Variants in ARHGAP15 observed in about 807,000 individuals in gnomAD.
The protein encoded by ARHGAP15 is rho GTPase-activating protein 15.
Under a neutral mutation model 63.7 loss-of-function variants are expected in ARHGAP15, and 51 were observed. That is an observed-to-expected ratio of 0.80 (90% CI 0.64 to 1.01). ARHGAP15 has a LOEUF of 1.01. ARHGAP15 is among the 50% of genes least tolerant of loss of function. The probability of loss-of-function intolerance (pLI) is 0.00; values close to 1 mark genes in which losing one functional copy is unlikely to be tolerated. For missense variants in ARHGAP15, 560 were observed against 564.6 expected, an observed-to-expected ratio of 0.99 and a Z score of 0.08; for synonymous variants, 191 against 193.8, an observed-to-expected ratio of 0.99 and a Z score of 0.12.
In ARHGAP15 at chr2:143,747,255, GA is replaced by G. The variant is rs1331918062; in HGVS notation, c.1245-20725del. On this transcript the variant is annotated intron_variant, in intron 13 of 13. Coordinates refer to ENST00000295095, the MANE Select transcript of ARHGAP15 (RefSeq NM_018460.4). ...ATGTATCCCAGAACTTAAAAAAAAA[GA>G]AAAAAAAAGATCGGAGACTTCCCAT... Among the ~76,000 whole-genome samples, 25 of 150,068 alleles carry G rather than the reference GA, an allele frequency of 1.7e-4. No homozygotes were observed. In the East Asian group the frequency reaches 3.5e-3, roughly 21 times the overall value.
chr2:143,169,953 T>C (rs1690706468), intron 2 of ARHGAP15, among the ~76,000 whole-genome samples: 1 of 152,016 alleles, frequency 6.6e-6, no homozygotes, highest in South Asian at 2.1e-4. Context: ...TAAATCTTCA[T>C]GATGCAGATT....
intron 8 of ARHGAP15, among the ~76,000 whole-genome samples, chr2:143,461,973 C>G (rs1302099386): frequency 6.6e-6 from 1 of 151,970 alleles, no homozygotes; most frequent in African/African-American, 2.4e-5. Flanking sequence ...GGCAACATGG[C>G]AAAACCCCAT....
At chr2:143,656,460 T>G (rs1228503472) in intron 12 of ARHGAP15, among the ~76,000 whole-genome samples, 1 of 152,178 alleles carries the variant, frequency 6.6e-6, no homozygotes, top group Admixed American at 6.5e-5. Flanking sequence ...TATATCCCAC[T>G]CCACTGGAAC....
At chr2:143,649,924 T>C (rs776238134) in intron 12 of ARHGAP15, among the ~76,000 whole-genome samples, 3 of 151,982 alleles carry the variant, frequency 2.0e-5, no homozygotes, top group Non-Finnish European at 2.9e-5. Context: ...CATTACACTT[T>C]AGGGATTGCC....
chr2:143,384,272 G>A (rs1269154236), intron 6 of ARHGAP15, among the ~76,000 whole-genome samples: 1 of 152,014 alleles, frequency 6.6e-6, no homozygotes, highest in Non-Finnish European at 1.5e-5. Context: ...TGGAACTGGA[G>A]TGTTTAGGGT....
intron 12 of ARHGAP15, among the ~76,000 whole-genome samples, chr2:143,638,496 T>G (rs1172383186): frequency 6.8e-5 from 6 of 87,744 alleles, no homozygotes; most frequent in African/African-American, 2.8e-4. Flanking sequence ...CTCTGGGGAC[T>G]GTGGTGGGGT....
chr2:143,586,565 T>C (rs944440765), intron 11 of ARHGAP15, among the ~76,000 whole-genome samples: 2 of 152,108 alleles, frequency 1.3e-5, no homozygotes, highest in Non-Finnish European at 2.9e-5. Context: ...ACTTTGACAT[T>C]TATAGGGATT....
At chr2:143,155,947 G>A (rs890875377) in intron 2 of ARHGAP15, among the ~76,000 whole-genome samples, 9 of 151,126 alleles carry the variant, frequency 6.0e-5, no homozygotes, top group Non-Finnish European at 1.0e-4. Flanking sequence ...AAATAATGAG[G>A]TTATGCTAGC....
intron 6 of ARHGAP15, among the ~76,000 whole-genome samples, chr2:143,414,665 G>A (rs1688602267): frequency 6.6e-6 from 1 of 152,196 alleles, no homozygotes; most frequent in Non-Finnish European, 1.5e-5. Context: ...AGGGCATGGT[G>A]GCTCACATCT....
chr2:143,512,104 G>A (rs796309445), intron 9 of ARHGAP15, among the ~76,000 whole-genome samples: 110 of 152,340 alleles, frequency 7.2e-4, no homozygotes, highest in African/African-American at 2.5e-3. Flanking sequence ...GGCATGACTG[G>A]ATCTAGGAGT....
chr2:143,632,029 T>C (rs1680060346), intron 12 of ARHGAP15, among the ~76,000 whole-genome samples: 1 of 152,110 alleles, frequency 6.6e-6, no homozygotes, highest in African/African-American at 2.4e-5. Context: ...TTATTTTAAA[T>C]GATGCATAAT....
Position 143,738,830 on chromosome 2 carries a change from G to A in ARHGAP15, c.1245-29159G>A, listed in dbSNP as rs1217598775. On this transcript the variant is annotated intron_variant, in intron 13 of 13. Coordinates refer to ENST00000295095, the MANE Select transcript of ARHGAP15 (RefSeq NM_018460.4). ...TAACGCCAGGTTAAATGTCCTTAAC[G>A]CCAACAAAAGACACTCTGGTTGGTC... 4.6e-5 allele frequency among the ~76,000 whole-genome samples: 7 copies of A among 152,062 alleles called. 1 individual carries two copies. Among genetic ancestry groups the A allele is most frequent in the Middle Eastern group, 6.3e-3 (2 of 316 alleles).
chr2:143,342,101 G>C (rs2105288827), intron 6 of ARHGAP15, among the ~76,000 whole-genome samples: 1 of 152,212 alleles, frequency 6.6e-6, no homozygotes, highest in Middle Eastern at 3.4e-3. Flanking sequence ...CTTATTGTGA[G>C]CTAAATGTCT....
chr2:143,224,214 T>C (rs1693114462), intron 4 of ARHGAP15, among the ~76,000 whole-genome samples: 1 of 152,156 alleles, frequency 6.6e-6, no homozygotes, highest in Non-Finnish European at 1.5e-5. Context: ...AAATATCCTA[T>C]ATCAGAAGTG....
chr2:143,372,207 T>C (rs573881302), intron 6 of ARHGAP15, among the ~76,000 whole-genome samples: 35 of 151,532 alleles, frequency 2.3e-4, no homozygotes, highest in Non-Finnish European at 4.0e-4. Flanking sequence ...CCAGGCATGG[T>C]GACACGTGCC....
chr2:143,248,619 C>T (rs1694144265), intron 5 of ARHGAP15, among the ~76,000 whole-genome samples: 1 of 152,128 alleles, frequency 6.6e-6, no homozygotes, highest in Non-Finnish European at 1.5e-5. Flanking sequence ...ATACCTACCT[C>T]ATACAGTTGT....
intron 6 of ARHGAP15, among the ~76,000 whole-genome samples, chr2:143,382,658 C>T (rs1687111164): frequency 6.6e-6 from 1 of 152,110 alleles, no homozygotes; most frequent in African/African-American, 2.4e-5. Context: ...CACAATTCAA[C>T]CCATAACACC....
chr2:143,293,475 TTCTTG>T (rs1682498419), intron 6 of ARHGAP15, among the ~76,000 whole-genome samples: 2 of 152,230 alleles, frequency 1.3e-5, no homozygotes, highest in African/African-American at 4.8e-5. Flanking sequence ...TCCATTTATA[TTCTTG>T]TCTTGAGACC....
At chr2:143,368,313 T>G (rs1482921646) in intron 6 of ARHGAP15, among the ~76,000 whole-genome samples, 1 of 152,018 alleles carries the variant, frequency 6.6e-6, no homozygotes, top group East Asian at 1.9e-4. Context: ...ACATTTCAGC[T>G]AAGTATCAAA....
Sources: allele counts gnomAD v4.1 joint callset (sites outside exome capture counted in the v4.1 genomes callset), GRCh38; gene constraint gnomAD v4.1.1; transcripts MANE v1.5; gene names NCBI Gene and HGNC (gene_info 2026-07-23, HGNC 2026-07-21).